Variants in ARHGAP17 observed in about 807,000 individuals in gnomAD.
The protein encoded by ARHGAP17 is Rho GTPase activating protein 17.
ARHGAP17 carries 57 observed loss-of-function variants against 99.5 expected under a neutral mutation model. The ratio of observed to expected loss-of-function variants is 0.57; its 90% CI spans 0.46 to 0.71. The LOEUF (loss-of-function observed/expected upper bound fraction) is 0.71, where lower values mean the gene tolerates loss of function less well. Among genes scored for constraint, ARHGAP17 ranks in the 30% least tolerant of loss-of-function variants. The pLI is 0.00. For synonymous variants in ARHGAP17, 417 were observed against 429.6 expected, an observed-to-expected ratio of 0.97 and a Z score of 0.36; for missense variants, 1,000 against 1,122.4, an observed-to-expected ratio of 0.89 and a Z score of 1.56.
chr16:24,964,264 A>T lies in ARHGAP17; in HGVS notation c.506T>A (p.Leu169His). The change falls in exon 7 of 20, where the codon CTT (leucine) becomes CAT (histidine). Residue 169 changes from leucine to histidine, a missense_variant. Physicochemically the swap from Leu to His is moderately conservative, Grantham distance 99 (BLOSUM62 -3). Transcript: ENST00000289968. ...CTTTAGAGTATCTATTTTTGATGGA[A>T]GCCCCTGAAAGTTGGTTCCTGAGGA... ...HKSSGTNFQG[L>H]PSKIDTLKEE... is the part of the protein sequence containing the mutation. The T allele has an allele frequency of 6.2e-7, 1 of 1,613,886 alleles. No homozygotes were observed. The highest frequency in any genetic ancestry group is 8.5e-7 in the Non-Finnish European group (1 of 1,179,938).
In ARHGAP17 at chr16:24,919,479, T is replaced by TA. The variant is rs201456679; in HGVS notation, c.*650dup. On this transcript the variant is annotated 3_prime_UTR_variant, in exon 20 of 20. Transcript: ENST00000289968. ...CTTATCAAGTAGCAATTACATTGTT[T>TA]AAAAAAAAAAAAAAGAACAGTACAT... 1.3e-3 allele frequency: 192 copies of TA among 142,354 alleles called. 1 individual carries two copies. The highest frequency in any genetic ancestry group is 2.7e-3 in the South Asian group (12 of 4,454). 8.8% of individuals were successfully genotyped at this position (142,354 alleles called of 1,614,324 possible). A position where few individuals can be genotyped will look rare whatever the true frequency, so the allele number is the denominator to read the frequency against.
intron 14 of ARHGAP17, among the ~76,000 whole-genome samples, chr16:24,944,702 C>T (rs1336329818): frequency 1.3e-5 from 2 of 152,090 alleles, no homozygotes; most frequent in East Asian, 1.9e-4. Flanking sequence ...CTGCAAGCTC[C>T]GCCTCCTGGG....
chr16:24,968,798 G>C, intron 4 of ARHGAP17, 26 bp from the exon 5 acceptor site: 1 of 1,608,786 alleles, frequency 6.2e-7, no homozygotes, highest in African/African-American at 1.3e-5. Context: ...CCCCAACAAC[G>C]AGCACGTGCT....
intron 1 of ARHGAP17, among the ~76,000 whole-genome samples, chr16:24,994,231 G>A (rs2053130494): frequency 6.6e-6 from 1 of 152,164 alleles, no homozygotes; most frequent in South Asian, 2.1e-4. Flanking sequence ...TCAAAGAAAG[G>A]AGTGCCTGAT....
chr16:24,964,423 T>C (rs537071084), intron 6 of ARHGAP17, 115 bp from the exon 7 acceptor site: 112 of 728,146 alleles, frequency 1.5e-4, no homozygotes, highest in Non-Finnish European at 2.3e-4. Flanking sequence ...CTGGAAGGGG[T>C]ATCATTGCCC....
At chr16:24,998,044 A>T (rs2053247925) in intron 1 of ARHGAP17, among the ~76,000 whole-genome samples, 1 of 152,022 alleles carries the variant, frequency 6.6e-6, no homozygotes, top group African/African-American at 2.4e-5. Flanking sequence ...ACACAGCGGA[A>T]GGAGAACCAG....
At chr16:24,947,895 A>G (rs766153967) in intron 13 of ARHGAP17, among the ~76,000 whole-genome samples, 1 of 152,218 alleles carries the variant, frequency 6.6e-6, no homozygotes, top group East Asian at 1.9e-4. Context: ...TACCCCTATT[A>G]TAAGTTATAA....
rs184209927 is a variant in ARHGAP17 at position 24,943,433 on chromosome 16, C to T, written c.1333+338G>A. 2.6e-5 allele frequency among the ~76,000 whole-genome samples: 4 copies of T among 152,316 alleles called. No homozygotes were observed. The East Asian group carries it at 7.7e-4, about 29-fold the overall frequency. On this transcript the variant is annotated intron_variant, in intron 15 of 19. Transcript: ENST00000289968. ...CTCCATCCACCTATCTTCTAATGTG[C>T]CTTGTGTTATAATTTATCTGTTCAT...
At chr16:24,931,679 A>G (rs768278488) in intron 18 of ARHGAP17, among the ~76,000 whole-genome samples, 1 of 152,206 alleles carries the variant, frequency 6.6e-6, no homozygotes. Context: ...GCACAGAAAG[A>G]CGGAGAACAT....
intron 3 of ARHGAP17, among the ~76,000 whole-genome samples, chr16:24,974,143 C>T (rs1435309863): frequency 2.6e-5 from 4 of 152,322 alleles, no homozygotes; most frequent in Non-Finnish European, 5.9e-5. Flanking sequence ...AAACATTTAG[C>T]ATCTTGGCCA....
chr16:24,959,875 C>T (rs1463028748), intron 8 of ARHGAP17, 36 bp downstream of exon 8: 5 of 1,609,164 alleles, frequency 3.1e-6, no homozygotes, highest in Non-Finnish European at 3.4e-6. Context: ...TCCATTTTAA[C>T]AATGCTTTAA....
chr16:25,003,952 A>G (rs923402448), intron 1 of ARHGAP17, among the ~76,000 whole-genome samples: 1 of 152,192 alleles, frequency 6.6e-6, no homozygotes, highest in African/African-American at 2.4e-5. Flanking sequence ...TACCCAAGTG[A>G]TTTGAAAATA....
chr16:24,953,547 C>T (rs2051708659), intron 10 of ARHGAP17, among the ~76,000 whole-genome samples: 1 of 152,154 alleles, frequency 6.6e-6, no homozygotes, highest in African/African-American at 2.4e-5. Context: ...TGCGCATGCT[C>T]GCTCTTTCCC....
chr16:24,983,028 A>G (rs13332250), intron 1 of ARHGAP17, among the ~76,000 whole-genome samples: 26,411 of 88,206 alleles, frequency 0.3, 4,964 homozygotes, highest in East Asian at 0.51. Context: ...TTTTTGAGAC[A>G]GGGTCTCGTT....
chr16:24,927,262 A>C (rs1248422615), intron 19 of ARHGAP17, among the ~76,000 whole-genome samples: 2 of 152,162 alleles, frequency 1.3e-5, no homozygotes, highest in Non-Finnish European at 2.9e-5. Flanking sequence ...CTAACAGAAT[A>C]ATCTTGGACT....
At chr16:24,922,080 C>T (rs897921289) in intron 19 of ARHGAP17, among the ~76,000 whole-genome samples, 5 of 152,208 alleles carry the variant, frequency 3.3e-5, no homozygotes, top group African/African-American at 9.6e-5. Flanking sequence ...CTTTCCAATC[C>T]TCCATTCTTA....
In ARHGAP17 at chr16:24,964,186, A is replaced by T; in HGVS notation, c.573+11T>A. 1.3e-6 allele frequency: 2 copies of T among 1,509,248 alleles called. No homozygotes were observed. The allele number at this position is 1,509,248 out of a possible 1,614,324, so 93.5% of individuals were successfully genotyped here. On this transcript the variant is annotated intron_variant, in intron 7 of 19. Coordinates refer to ENST00000289968, the MANE Select transcript of ARHGAP17 (RefSeq NM_001006634.3). ...AACCGAAAAGATACATTTATCAAGGAATTCTCATACCTTGCACTGTTCTAC... is the reference window on the plus strand; with the variant it reads ...AACCGAAAAGATACATTTATCAAGGTATTCTCATACCTTGCACTGTTCTAC...
Position 24,955,016 on chromosome 16 carries a change from C to CGAG in ARHGAP17, c.725-287_725-286insCTC. 1.7e-5 allele frequency: 6 copies of CGAG among 357,416 alleles called. No homozygotes were observed. In the South Asian group the frequency reaches 2.0e-4, roughly 12 times the overall value. 22.1% of individuals were successfully genotyped at this position (357,416 alleles called of 1,614,324 possible). On this transcript the variant is annotated intron_variant, in intron 9 of 19. Coordinates refer to ENST00000289968, the MANE Select transcript of ARHGAP17 (RefSeq NM_001006634.3). The surrounding 1 kb of genome is among the most constrained non-coding windows in gnomAD (Gnocchi z 4.0). The stretch of plus-strand genomic sequence containing the variant: ...GGCACGCTGCACCTGCACCACACTT[C>CGAG]ATCAACACACGCCAGCGGGTTTAGT...
intron 7 of ARHGAP17, among the ~76,000 whole-genome samples, chr16:24,962,628 A>C (rs932376064): frequency 1.3e-5 from 2 of 152,218 alleles, no homozygotes; most frequent in Non-Finnish European, 2.9e-5. Context: ...CCACAGATAA[A>C]GCCCCTCTTA....
Sources: gnomAD v4.1 joint callset for allele counts (sites outside exome capture counted in the v4.1 genomes callset) on GRCh38, gnomAD v4.1.1 for gene constraint, Gnocchi (gnomAD v3.1) non-coding constraint, MANE v1.5 for transcripts, NCBI Gene and HGNC (gene_info 2026-07-23, HGNC 2026-07-21) for gene names.